Variants in SORBS2 observed in about 807,000 individuals in gnomAD.
The protein encoded by SORBS2 is sorbin and SH3 domain-containing protein 2.
A neutral mutation model predicts 97.7 loss-of-function variants in SORBS2; 46 were observed. That is an observed-to-expected ratio of 0.47 (90% CI 0.37 to 0.60). The LOEUF (loss-of-function observed/expected upper bound fraction) is 0.60, where lower values mean the gene tolerates loss of function less well. Among genes scored for constraint, SORBS2 ranks in the 20% least tolerant of loss-of-function variants. The probability of loss-of-function intolerance (pLI) is 0.00; values close to 1 mark genes in which losing one functional copy is unlikely to be tolerated. For missense variants in SORBS2, 1,316 were observed against 1,282.3 expected, an observed-to-expected ratio of 1.03 and a Z score of -0.40; for synonymous variants, 476 against 473.4, an observed-to-expected ratio of 1.01 and a Z score of -0.07.
At chr4:185,719,519 T>TG (rs2098494879) in intron 2 of SORBS2, among the ~76,000 whole-genome samples, 1 of 152,190 alleles carries the variant, frequency 6.6e-6, no homozygotes, top group Admixed American at 6.5e-5. Context: ...AGACTGAATG[T>TG]GGGGAAAAGG....
chr4:185,943,244 A>C (rs185415818), intron 1 of SORBS2, among the ~76,000 whole-genome samples: 1 of 152,344 alleles, frequency 6.6e-6, no homozygotes, highest in East Asian at 1.9e-4. Flanking sequence ...TTATGGACAA[A>C]TAGGATATTC....
chr4:185,778,476 T>C (rs1224206292), intron 1 of SORBS2, among the ~76,000 whole-genome samples: 1 of 152,166 alleles, frequency 6.6e-6, no homozygotes, highest in Non-Finnish European at 1.5e-5. Context: ...CACCCAGACC[T>C]ACTGAGCCAG....
chr4:185,588,115 C>T (rs894113767), intron 14 of SORBS2: 4 of 171,710 alleles, frequency 2.3e-5, no homozygotes, highest in African/African-American at 4.8e-5. Context: ...CCGCGCAACA[C>T]AGGTGCGACA....
At chr4:185,621,109 A>G (rs2153420277) in intron 7 of SORBS2, among the ~76,000 whole-genome samples, 1 of 152,308 alleles carries the variant, frequency 6.6e-6, no homozygotes, top group African/African-American at 2.4e-5. Context: ...TATCCCTTAA[A>G]TATATCTAGT....
chr4:185,727,648 C>G (rs752112403), intron 2 of SORBS2, among the ~76,000 whole-genome samples: 2 of 152,110 alleles, frequency 1.3e-5, no homozygotes, highest in Non-Finnish European at 2.9e-5. Flanking sequence ...GAAACCAGCC[C>G]TATTTATCAA....
chr4:185,677,056 G>A (rs1236319967), intron 4 of SORBS2: 1 of 1,551,532 alleles, frequency 6.4e-7, no homozygotes, highest in Non-Finnish European at 8.7e-7. Flanking sequence ...CTCTCTTGCT[G>A]AAGAGGTATC....
At chr4:185,829,991 T>C (rs972650300) in intron 1 of SORBS2, among the ~76,000 whole-genome samples, 26 of 152,308 alleles carry the variant, frequency 1.7e-4, no homozygotes, top group African/African-American at 6.3e-4. Context: ...GCATTCTCTA[T>C]ATATTAATTA....
At chr4:185,731,505 C>CCTGCCTATCTCTCTCCCCCTCCCTCT (rs2098627577) in intron 2 of SORBS2, among the ~76,000 whole-genome samples, 1 of 65,422 alleles carries the variant, frequency 1.5e-5, no homozygotes, top group Non-Finnish European at 3.5e-5. Flanking sequence ...TCTCTCCCTC[C>CCTGCCTATCTCTCTCCCCCTCCCTCT]CTCCCTGCCT....
In SORBS2 at chr4:185,690,560, A is replaced by G; in HGVS notation, c.-197-11738T>C. On this transcript the variant is annotated intron_variant, in intron 2 of 20. Coordinates refer to the SORBS2 transcript ENST00000284776. ...AGAGTTTAAAACTAACAGACAGCAT[A>G]CCTGTGTTCATTTTCACCTTGGAGA... The G allele has an allele frequency of 6.6e-7, 1 of 1,524,474 alleles. No individual in the cohort carries two copies. Among genetic ancestry groups the G allele is most frequent in the Non-Finnish European group, 8.9e-7 (1 of 1,128,350 alleles). The allele number at this position is 1,524,474 out of a possible 1,614,324, so 94.4% of individuals were successfully genotyped here.
chr4:185,602,600 T>C (rs1358971985), intron 12 of SORBS2, among the ~76,000 whole-genome samples: 1 of 152,240 alleles, frequency 6.6e-6, no homozygotes, highest in African/African-American at 2.4e-5. Flanking sequence ...GTTATTACAA[T>C]GATTTCATGC....
chr4:185,841,530 G>T (rs1365112703), intron 1 of SORBS2, among the ~76,000 whole-genome samples: 1 of 152,122 alleles, frequency 6.6e-6, no homozygotes, highest in Non-Finnish European at 1.5e-5. Flanking sequence ...TCTCATGTTA[G>T]GTTCCTCCCA....
chr4:185,912,589 A>C (rs2099255900), intron 1 of SORBS2, among the ~76,000 whole-genome samples: 1 of 23,722 alleles, frequency 4.2e-5, no homozygotes, highest in Admixed American at 4.5e-4. Flanking sequence ...CCATCTCAAA[A>C]AAAAAAAAAA....
intron 1 of SORBS2, chr4:185,917,991 T>C (rs1324723012): frequency 1.3e-5 from 2 of 152,172 alleles, no homozygotes; most frequent in Non-Finnish European, 2.9e-5. Context: ...ATAAAATTCT[T>C]AGTTTCATAA....
chr4:185,727,863 C>A (rs1484125328), intron 2 of SORBS2, among the ~76,000 whole-genome samples: 1 of 152,146 alleles, frequency 6.6e-6, no homozygotes, highest in Non-Finnish European at 1.5e-5. Context: ...TGAATCTGCT[C>A]CAGACAGATT....
intron 1 of SORBS2, among the ~76,000 whole-genome samples, chr4:185,826,938 A>C (rs1334327322): frequency 1.3e-5 from 2 of 152,166 alleles, no homozygotes; most frequent in Non-Finnish European, 2.9e-5. Context: ...TACTTGTGAG[A>C]TAAAGGACAA....
At chr4:185,624,485 T>C in exon 7 of SORBS2, 1 of 1,602,894 alleles carries the variant, frequency 6.2e-7, no homozygotes, top group Non-Finnish European at 8.5e-7. Flanking sequence ...TATTTTGCTA[T>C]CATCCCCACC....
intron 1 of SORBS2, among the ~76,000 whole-genome samples, chr4:185,793,342 C>G (rs2153649233): frequency 6.6e-6 from 1 of 152,316 alleles, no homozygotes; most frequent in Non-Finnish European, 1.5e-5. Flanking sequence ...AGTGAGCTCC[C>G]ACATTCTATC....
Position 185,623,459 on chromosome 4 carries a change from AGGTGGCGGTGGTGGT to A in SORBS2, c.1655_1669del (p.His552_His556del). 6.2e-7 allele frequency: 1 copy of A among 1,612,286 alleles called. No homozygotes were observed. The highest frequency in any genetic ancestry group is 8.5e-7 in the Non-Finnish European group (1 of 1,179,956). On this transcript the variant is annotated inframe_deletion, in exon 7 of 15. Coordinates refer to ENST00000418609, the Ensembl canonical transcript of SORBS2. This position sits in a 1 kb window ranked among gnomAD's most constrained non-coding sequence, Gnocchi z 6.4. ...GCACCTGCCTTTGCAGGAGCTGATG[AGGTGGCGGTGGTGGT>A]GGTGGTGGTGATGGTGGTGGTGGTG...
chr4:185,804,704 AATTATT>A lies in SORBS2; in HGVS notation c.-337-29344_-337-29339del, dbSNP rs140587600. On this transcript the variant is annotated intron_variant, in intron 1 of 20. Transcript: ENST00000284776. ...GCAAGTACAGAGTGAAATCTATATA[AATTATT>A]ATTATTATCAATATCTTTTGGAGTG... 7.7e-3 allele frequency among the ~76,000 whole-genome samples: 1,178 copies of A among 152,242 alleles called. 19 individuals are homozygous for A. The highest frequency in any genetic ancestry group is 0.027 in the African/African-American group (1,111 of 41,554).
Sources: gnomAD v4.1 joint callset for allele counts (sites outside exome capture counted in the v4.1 genomes callset) on GRCh38, gnomAD v4.1.1 for gene constraint, Gnocchi (gnomAD v3.1) non-coding constraint, MANE v1.5 for transcripts, NCBI Gene and HGNC (gene_info 2026-07-23, HGNC 2026-07-21) for gene names.